Variants in F10 observed in about 807,000 individuals in gnomAD.
The protein encoded by F10 is Stuart-Prower factor.
Under a neutral mutation model 37.1 loss-of-function variants are expected in F10, and 29 were observed. The ratio of observed to expected loss-of-function variants is 0.78; its 90% confidence interval spans 0.58 to 1.07. The LOEUF (loss-of-function observed/expected upper bound fraction) is 1.07. Ranked by LOEUF, F10 falls within the 50% of genes least tolerant of loss-of-function variation. The probability of loss-of-function intolerance (pLI) is 0.00; values close to 1 mark genes in which losing one functional copy is unlikely to be tolerated. For synonymous variants in F10, 262 were observed against 268.6 expected, an observed-to-expected ratio of 0.98 and a Z score of 0.24; for missense variants, 539 against 667.9, an observed-to-expected ratio of 0.81 and a Z score of 2.13.
intron 2 of F10, among the ~76,000 whole-genome samples, chr13:113,137,654 G>A (rs1316054279): frequency 6.6e-6 from 1 of 152,118 alleles, no homozygotes; most frequent in Non-Finnish European, 1.5e-5. Context: ...TGGAGGCTCT[G>A]GGAGAGTCTC....
chr13:113,128,104 C>G (rs554910233), intron 1 of F10: 1 of 152,182 alleles, frequency 6.6e-6, no homozygotes, highest in African/African-American at 2.4e-5. Context: ...CCCTCCACAG[C>G]CCCCAAAGTG....
At chr13:113,136,633 CTTTTTTTTTTTTTTTTTTTTTTTTTTTTT>C (rs1170291536) in intron 2 of F10, among the ~76,000 whole-genome samples, 1,485 of 5,804 alleles carry the variant, frequency 0.26, 296 homozygotes, top group Middle Eastern at 1. Context: ...AATTCTTGTA[CTTTTTTTTTTTTTTTTTTTTTTTTTTTTT>C]TTTTTTGAGA....
chr13:113,140,683 A>AG (rs1001961436), intron 4 of F10: 3 of 690,822 alleles, frequency 4.3e-6, no homozygotes, highest in African/African-American at 3.5e-5. Flanking sequence ...CGGAGGTGTG[A>AG]GGGGCAGGTA....
chr13:113,124,544 G>A (rs754990323), intron 1 of F10, among the ~76,000 whole-genome samples: 15 of 152,212 alleles, frequency 9.9e-5, no homozygotes, highest in Admixed American at 2.0e-4. Flanking sequence ...CAGAGGCCTC[G>A]GCAGCTGCAC....
At chr13:113,148,330 C>CAA (rs780002275) in intron 7 of F10, among the ~76,000 whole-genome samples, 1,592 of 90,712 alleles carry the variant, frequency 0.018, 24 homozygotes, top group Middle Eastern at 0.021. Context: ...AACTCTGTCT[C>CAA]AAAAAAAAAA....
rs1936734504 is a variant in F10, at chr13:113,143,876, C to G, written c.528C>G (p.Thr176=). 1.2e-6 allele frequency: 2 copies of G among 1,612,986 alleles called. No homozygotes were observed. The highest frequency in any genetic ancestry group is 1.3e-5 in the African/African-American group (1 of 74,918). The part of the protein sequence containing the change: ...PTGPYPCGKQ[T]LERRKRSVAQ... ...GGCCCTACCCCTGTGGGAAACAGAC[C>G]CTGGAACGCAGGAAGAGGTCAGTGG... Residue 176 remains threonine, a synonymous_variant, in exon 6 of 8, where the codon ACC becomes ACG. Coordinates refer to ENST00000375559, the MANE Select transcript of F10 (RefSeq NM_000504.4). The surrounding 1 kb of genome is among the most constrained non-coding windows in gnomAD (Gnocchi z 6.8).
chr13:113,145,571 G>A (rs1220836083), intron 6 of F10, among the ~76,000 whole-genome samples: 3 of 152,170 alleles, frequency 2.0e-5, no homozygotes, highest in South Asian at 2.1e-4. Context: ...CAAACTAGGT[G>A]TATTAGTCAG....
intron 1 of F10, among the ~76,000 whole-genome samples, chr13:113,125,044 C>G (rs996359359): frequency 6.6e-6 from 1 of 152,240 alleles, no homozygotes; most frequent in Non-Finnish European, 1.5e-5. Context: ...AGGGCTCACT[C>G]TACTCCCATA....
intron 1 of F10, among the ~76,000 whole-genome samples, chr13:113,124,902 G>A (rs2142247096): frequency 6.6e-6 from 1 of 152,338 alleles, no homozygotes; most frequent in Non-Finnish European, 1.5e-5. Context: ...TGGCCTCGGG[G>A]TGCCAGCGGC....
At chr13:113,126,385 G>A (rs2036370351) in intron 1 of F10, among the ~76,000 whole-genome samples, 1 of 152,222 alleles carries the variant, frequency 6.6e-6, no homozygotes, top group African/African-American at 2.4e-5. Context: ...GCAAAGGAAA[G>A]GTGACTTCTT....
chr13:113,124,822 T>C (rs1440794511), intron 1 of F10, among the ~76,000 whole-genome samples: 1 of 152,216 alleles, frequency 6.6e-6, no homozygotes, highest in Non-Finnish European at 1.5e-5. Context: ...GGCTGGAAGT[T>C]CAAAATCAAG....
chr13:113,132,621 G>A (rs1256090967), intron 2 of F10, among the ~76,000 whole-genome samples: 6 of 152,184 alleles, frequency 3.9e-5, no homozygotes, highest in Non-Finnish European at 7.4e-5. Flanking sequence ...AATGCATGTA[G>A]CAGCTATTTG....
In F10 at chr13:113,139,243, C is replaced by T. The variant is rs1302536589; in HGVS notation, c.257-114C>T. 2 of 803,966 alleles carry T rather than the reference C, an allele frequency of 2.5e-6. No individual in the cohort carries two copies. Among genetic ancestry groups the T allele is most frequent in the African/African-American group, 1.7e-5 (1 of 58,656 alleles). The allele number at this position is 803,966 out of a possible 1,614,324, so 49.8% of individuals were successfully genotyped here. A position where few individuals can be genotyped will look rare whatever the true frequency, so the allele number is the denominator to read the frequency against. ...AGAGGGGGAGTTGTTTACAGAGAAA[C>T]CGGAAGACTCTTCCAGTTATCTGAA... is the stretch of plus-strand genomic sequence containing the variant. On this transcript the variant is annotated intron_variant, in intron 3 of 7. Transcript: ENST00000375559. The surrounding 1 kb of genome is among the most constrained non-coding windows in gnomAD (Gnocchi z 5.2).
intron 7 of F10, among the ~76,000 whole-genome samples, chr13:113,147,794 G>A (rs921447428): frequency 6.6e-6 from 1 of 152,140 alleles, no homozygotes; most frequent in African/African-American, 2.4e-5. Flanking sequence ...TCCAGCTAAT[G>A]TTCTGTGTCT....
At chr13:113,127,583 C>T (rs1267747202) in intron 1 of F10, among the ~76,000 whole-genome samples, 1 of 152,152 alleles carries the variant, frequency 6.6e-6, no homozygotes, top group East Asian at 1.9e-4. Flanking sequence ...GACACAGACT[C>T]TCGGATCCAG....
intron 2 of F10, among the ~76,000 whole-genome samples, chr13:113,135,349 T>C (rs1173703086): frequency 6.6e-6 from 1 of 152,150 alleles, no homozygotes; most frequent in African/African-American, 2.4e-5. Flanking sequence ...ACTGGGTAAA[T>C]TATAAACAGA....
chr13:113,140,255 A>G (rs1263866444), intron 4 of F10, among the ~76,000 whole-genome samples: 6 of 147,948 alleles, frequency 4.1e-5, no homozygotes, highest in Non-Finnish European at 9.0e-5. Flanking sequence ...TTTTTTTTTT[A>G]ATTTTTTAGT....
chr13:113,136,536 C>G (rs535458132), intron 2 of F10, among the ~76,000 whole-genome samples: 7 of 151,398 alleles, frequency 4.6e-5, no homozygotes, highest in Admixed American at 1.3e-4. Context: ...CGGCTCACTA[C>G]AACCTCCTCC....
intron 1 of F10, 104 bp downstream of exon 1, chr13:113,123,029 T>G (rs2036334735): frequency 7.5e-7 from 1 of 1,334,870 alleles, no homozygotes; most frequent in African/African-American, 1.4e-5. Flanking sequence ...GGTGGGTGCC[T>G]TGAGTGCTGC....
Sources: gnomAD v4.1 joint callset for allele counts (sites outside exome capture counted in the v4.1 genomes callset) on GRCh38, gnomAD v4.1.1 for gene constraint, Gnocchi (gnomAD v3.1) non-coding constraint, MANE v1.5 for transcripts, NCBI Gene and HGNC (gene_info 2026-07-23, HGNC 2026-07-21) for gene names.